The following GBE1 variants were observed in gnomAD, a reference collection of about 807,000 sequenced individuals.
GBE1 encodes 1,4-alpha-glucan branching enzyme 1, also known as 1,4-alpha-glucan-branching enzyme.
Under a neutral mutation model 88.8 loss-of-function variants are expected in GBE1, and 70 were observed. The ratio of observed to expected loss-of-function variants is 0.79; its 90% confidence interval spans 0.65 to 0.96. The LOEUF is 0.96. GBE1 is among the 40% of genes least tolerant of loss of function. The pLI, the probability that GBE1 is intolerant of heterozygous loss-of-function variation, is 0.00. For missense variants in GBE1, 872 were observed against 871.0 expected (o/e 1.00, Z -0.01); for synonymous variants, 284 against 300.1 (o/e 0.95, Z 0.56).
intron 1 of GBE1, among the ~76,000 whole-genome samples, chr3:81,725,843 C>T (rs1706104869): frequency 6.6e-6 from 1 of 152,134 alleles, no homozygotes; most frequent in Admixed American, 6.5e-5. Context: ...GTTATAACTG[C>T]ATATAGAAGA....
chr3:81,701,221 T>C (rs1046254995), intron 2 of GBE1, among the ~76,000 whole-genome samples: 1 of 152,128 alleles, frequency 6.6e-6, no homozygotes, highest in Non-Finnish European at 1.5e-5. Flanking sequence ...TGAATGTCAA[T>C]ATATATACAC....
At chr3:81,606,957 C>T (rs1704111305) in intron 7 of GBE1, among the ~76,000 whole-genome samples, 1 of 152,036 alleles carries the variant, frequency 6.6e-6, no homozygotes, top group Non-Finnish European at 1.5e-5. Context: ...GCTGTATTCC[C>T]AGAGCCTAGC....
chr3:81,613,797 T>A (rs952433688), intron 7 of GBE1, among the ~76,000 whole-genome samples: 13 of 152,180 alleles, frequency 8.5e-5, no homozygotes, highest in African/African-American at 3.1e-4. Flanking sequence ...GTATTAACAT[T>A]CTCTATTGTA....
intron 1 of GBE1, among the ~76,000 whole-genome samples, chr3:81,710,345 C>T (rs1376697190): frequency 6.7e-6 from 1 of 149,822 alleles, no homozygotes; most frequent in African/African-American, 2.5e-5. Context: ...CGCCATTCTC[C>T]TGCCTCAGCC....
intron 12 of GBE1, among the ~76,000 whole-genome samples, chr3:81,542,301 T>A (rs1039880935): frequency 5.9e-5 from 9 of 152,138 alleles, no homozygotes; most frequent in Non-Finnish European, 8.8e-5. Flanking sequence ...TTTTCTAATA[T>A]TTCTGTGTTA....
chr3:81,496,593 G>T (rs995036805), intron 15 of GBE1, among the ~76,000 whole-genome samples: 4 of 152,162 alleles, frequency 2.6e-5, no homozygotes, highest in African/African-American at 4.8e-5. Flanking sequence ...AGTGGTATAA[G>T]ACCTACAGCA....
intron 1 of GBE1, among the ~76,000 whole-genome samples, chr3:81,707,591 A>G (rs79871310): frequency 6.6e-6 from 1 of 152,008 alleles, no homozygotes; most frequent in Admixed American, 6.6e-5. Flanking sequence ...CTCAACTGAC[A>G]AAGTAAAAAT....
At chr3:81,535,668 T>C (rs1395957375) in intron 13 of GBE1, among the ~76,000 whole-genome samples, 1 of 152,086 alleles carries the variant, frequency 6.6e-6, no homozygotes, top group African/African-American at 2.4e-5. Flanking sequence ...AAGTGAATTT[T>C]CTGTAAGACT....
intron 12 of GBE1, among the ~76,000 whole-genome samples, chr3:81,573,673 TA>T (rs1018643586): frequency 6.6e-6 from 1 of 152,184 alleles, no homozygotes; most frequent in Non-Finnish European, 1.5e-5. Context: ...ATTATGAATA[TA>T]TTAAATTTAT....
At chr3:81,631,009 C>T (rs954519008) in intron 7 of GBE1, among the ~76,000 whole-genome samples, 3 of 152,010 alleles carry the variant, frequency 2.0e-5, no homozygotes, top group Admixed American at 6.6e-5. Flanking sequence ...TGGAGACCAG[C>T]CTGGGCAACA....
chr3:81,583,284 T>G (rs914313375), intron 10 of GBE1, among the ~76,000 whole-genome samples: 7 of 152,182 alleles, frequency 4.6e-5, no homozygotes, highest in Admixed American at 3.9e-4. Context: ...ATGTAAAATG[T>G]TACAGCTACT....
intron 7 of GBE1, among the ~76,000 whole-genome samples, chr3:81,600,924 G>T (rs1207763230): frequency 2.6e-5 from 4 of 152,014 alleles, no homozygotes; most frequent in Non-Finnish European, 5.9e-5. Flanking sequence ...ATGCATGCGT[G>T]TGTGTGTGTT....
At chr3:81,646,727 T>A (rs910241900) in intron 5 of GBE1, among the ~76,000 whole-genome samples, 1 of 152,192 alleles carries the variant, frequency 6.6e-6, no homozygotes, top group Admixed American at 6.5e-5. Context: ...CAATAAATAA[T>A]ATGCAAATTT....
At chr3:81,737,911 C>A (rs931934092) in intron 1 of GBE1, among the ~76,000 whole-genome samples, 7 of 151,944 alleles carry the variant, frequency 4.6e-5, no homozygotes, top group Non-Finnish European at 1.0e-4. Flanking sequence ...CCTTCCCCCA[C>A]CCCAAAACAG....
intron 12 of GBE1, among the ~76,000 whole-genome samples, chr3:81,541,174 T>G (rs1703138099): frequency 6.6e-6 from 1 of 151,970 alleles, no homozygotes; most frequent in South Asian, 2.1e-4. Flanking sequence ...AGTGGAGTTT[T>G]CAATAGTACA....
intron 2 of GBE1, among the ~76,000 whole-genome samples, chr3:81,688,243 C>A (rs1413730625): frequency 6.6e-6 from 1 of 152,210 alleles, no homozygotes; most frequent in East Asian, 1.9e-4. Flanking sequence ...CTACATCTAC[C>A]ATAGCACTTA....
intron 12 of GBE1, among the ~76,000 whole-genome samples, chr3:81,559,492 GT>G (rs1703391385): frequency 6.6e-6 from 1 of 151,754 alleles, no homozygotes; most frequent in African/African-American, 2.4e-5. Flanking sequence ...ACCCCATGAA[GT>G]TTTGATGCTC....
At chr3:81,605,775 G>A (rs557096131) in intron 7 of GBE1, among the ~76,000 whole-genome samples, 1 of 152,202 alleles carries the variant, frequency 6.6e-6, no homozygotes, top group South Asian at 2.1e-4. Flanking sequence ...ACTCAGTTGT[G>A]GTAGGGAGAA....
At chr3:81,637,197 C>G (rs771647877) in intron 7 of GBE1, among the ~76,000 whole-genome samples, 1 of 152,092 alleles carries the variant, frequency 6.6e-6, no homozygotes, top group Non-Finnish European at 1.5e-5. Flanking sequence ...TAATACTGTA[C>G]TCACTCTTCT....
Sources: allele counts gnomAD v4.1 joint callset (sites outside exome capture counted in the v4.1 genomes callset), GRCh38; gene constraint gnomAD v4.1.1; transcripts MANE v1.5; gene names NCBI Gene and HGNC (gene_info 2026-07-23, HGNC 2026-07-21).